The following STT3B variants were observed in gnomAD, a reference collection of about 807,000 sequenced individuals.
STT3B encodes the protein STT3 oligosaccharyltransferase complex catalytic subunit B, also known as dolichyl-diphosphooligosaccharide--protein glycosyltransferase subunit STT3B.
A neutral mutation model predicts 96.8 loss-of-function variants in STT3B; 29 were observed. The observed-to-expected ratio is 0.30, with a 90% confidence interval of 0.22 to 0.41. STT3B has a LOEUF of 0.41. STT3B is among the 10% of genes least tolerant of loss of function. The probability of loss-of-function intolerance (pLI) is 1.00; values close to 1 mark genes in which losing one functional copy is unlikely to be tolerated. For missense variants in STT3B, 640 were observed against 1,022.3 expected, an observed-to-expected ratio of 0.63 and a Z score of 5.10; for synonymous variants, 367 against 360.0, an observed-to-expected ratio of 1.02 and a Z score of -0.22.
intron 3 of STT3B, among the ~76,000 whole-genome samples, chr3:31,591,310 C>T (rs1365739168): frequency 6.6e-6 from 1 of 151,986 alleles, no homozygotes; most frequent in Non-Finnish European, 1.5e-5. Flanking sequence ...TTATCTTTTT[C>T]TGTCCTTAAA....
chr3:31,546,698 C>T (rs1469887743), intron 1 of STT3B, among the ~76,000 whole-genome samples: 2 of 152,160 alleles, frequency 1.3e-5, no homozygotes, highest in Non-Finnish European at 1.5e-5. Flanking sequence ...TCATGTCTCT[C>T]CCAAAGTTTT....
At chr3:31,557,684 G>T (rs934906301) in intron 1 of STT3B, among the ~76,000 whole-genome samples, 29 of 152,054 alleles carry the variant, frequency 1.9e-4, no homozygotes, top group African/African-American at 6.3e-4. Flanking sequence ...CCAGGCTGGA[G>T]TGCAGTGGCG....
intron 14 of STT3B, among the ~76,000 whole-genome samples, chr3:31,629,858 G>A (rs1699618660): frequency 6.6e-6 from 1 of 152,236 alleles, no homozygotes; most frequent in South Asian, 2.1e-4. Flanking sequence ...AGCTAGAGCT[G>A]CCTGGGTCAG....
chr3:31,545,710 CAT>C lies in STT3B; in HGVS notation c.314+12401_314+12402del, dbSNP rs147839765. On this transcript the variant is annotated intron_variant, in intron 1 of 15. Coordinates refer to ENST00000295770, the MANE Select transcript of STT3B (RefSeq NM_178862.3). ...CATTGCTATCTTTTAATAAAACTCT[CAT>C]ATGTATATATCTGTAAACCAAGCTT... Among the ~76,000 whole-genome samples the C allele has an allele frequency of 2.6e-5, 4 of 152,138 alleles. No individual in the cohort carries two copies. In the East Asian group the frequency reaches 7.7e-4, roughly 29 times the overall value.
intron 1 of STT3B, among the ~76,000 whole-genome samples, chr3:31,562,368 C>T (rs893987603): frequency 2.6e-5 from 4 of 152,086 alleles, no homozygotes; most frequent in African/African-American, 9.7e-5. Flanking sequence ...TGGGCCTGAC[C>T]TCAGACCCTG....
intron 1 of STT3B, among the ~76,000 whole-genome samples, chr3:31,546,906 G>C (rs1697427231): frequency 6.6e-6 from 1 of 152,108 alleles, no homozygotes; most frequent in Non-Finnish European, 1.5e-5. Context: ...AAAAGGAAAG[G>C]CCTTGAAGTC....
At chr3:31,610,645 T>C (rs879273117) in intron 5 of STT3B, among the ~76,000 whole-genome samples, 18 of 152,216 alleles carry the variant, frequency 1.2e-4, no homozygotes, top group Admixed American at 6.5e-4. Context: ...GGTATATTTC[T>C]TCTCTATATC....
rs1699388992 is a variant in STT3B at position 31,619,901 on chromosome 3, A to G, written c.1327+71A>G. 2.0e-6 allele frequency: 3 copies of G among 1,536,876 alleles called. No individual in the cohort carries two copies. In the Admixed American group the frequency reaches 6.5e-5, roughly 33 times the overall value. On this transcript the variant is annotated intron_variant, in intron 9 of 15. Coordinates refer to ENST00000295770, the MANE Select transcript of STT3B (RefSeq NM_178862.3). ...TTCTTTTTGAGATTATTTACTTTAA[A>G]TTTTTGTTTTTCTATGTTTGACTCT...
intron 3 of STT3B, among the ~76,000 whole-genome samples, chr3:31,586,564 A>C (rs1698542397): frequency 6.6e-6 from 1 of 152,072 alleles, no homozygotes; most frequent in South Asian, 2.1e-4. Context: ...TAAGTTGATT[A>C]TGGTCTGGTG....
At position 31,533,401 on chromosome 3, in the gene STT3B, C is replaced by T. The variant is rs1197748409; in HGVS notation, c.314+89C>T. The T allele has an allele frequency of 3.8e-6, 5 of 1,300,534 alleles. No individual in the cohort carries two copies. The African/African-American group carries it at 4.7e-5, about 12-fold the overall frequency. 80.6% of individuals were successfully genotyped at this position (1,300,534 alleles called of 1,614,324 possible). Reference sequence around the variant, plus strand: ...CCGCCGCAGCTCTCCTCGACTTGGCCCCGCGCCGCCGCGGAGCCCCGCTCG... The same window carrying T: ...CCGCCGCAGCTCTCCTCGACTTGGCTCCGCGCCGCCGCGGAGCCCCGCTCG... On this transcript the variant is annotated intron_variant, in intron 1 of 15. Coordinates refer to ENST00000295770, the MANE Select transcript of STT3B (RefSeq NM_178862.3).
intron 9 of STT3B, 145 bp from the exon 10 acceptor site, chr3:31,621,952 G>A: frequency 1.6e-6 from 1 of 625,590 alleles, no homozygotes; most frequent in East Asian, 2.7e-5. Flanking sequence ...TTAATCAGTT[G>A]TTCAGTAGTA....
intron 14 of STT3B, among the ~76,000 whole-genome samples, chr3:31,631,034 C>A (rs1393724293): frequency 2.6e-5 from 4 of 152,154 alleles, no homozygotes; most frequent in Non-Finnish European, 4.4e-5. Flanking sequence ...ACCTCGTGAT[C>A]CCCCTGCCTT....
At chr3:31,563,787 T>C (rs1457031025) in intron 1 of STT3B, among the ~76,000 whole-genome samples, 2 of 152,114 alleles carry the variant, frequency 1.3e-5, no homozygotes, top group Non-Finnish European at 2.9e-5. Flanking sequence ...AAATTGGTAA[T>C]TGTGGAAATT....
At chr3:31,631,053 A>C (rs753716117) in intron 14 of STT3B, among the ~76,000 whole-genome samples, 15 of 152,216 alleles carry the variant, frequency 9.9e-5, no homozygotes, top group South Asian at 2.1e-4. Context: ...TTGGCCTCCC[A>C]AAGTGCTGGG....
chr3:31,563,346 T>C lies in STT3B; in HGVS notation c.315-13050T>C, dbSNP rs546569340. Among the ~76,000 whole-genome samples, 116 of 152,348 alleles carry C rather than the reference T, an allele frequency of 7.6e-4. 1 individual carries two copies. The Middle Eastern group carries it at 0.017, about 22-fold the overall frequency. On this transcript the variant is annotated intron_variant, in intron 1 of 15. Transcript: ENST00000295770. The stretch of plus-strand genomic sequence containing the variant: ...TTAACATTCAGTCATTTAACAAATA[T>C]TTATTGTGTGATAACTATGTGCCAG...
intron 2 of STT3B, among the ~76,000 whole-genome samples, chr3:31,577,040 G>A (rs1380269612): frequency 1.3e-5 from 2 of 151,960 alleles, no homozygotes; most frequent in East Asian, 3.9e-4. Context: ...GAGAAATGAA[G>A]GTGAAAGACA....
At chr3:31,589,767 A>T (rs147293486) in intron 3 of STT3B, among the ~76,000 whole-genome samples, 2 of 151,980 alleles carry the variant, frequency 1.3e-5, no homozygotes, top group Non-Finnish European at 2.9e-5. Flanking sequence ...TACATACAAG[A>T]TCATGTTATC....
chr3:31,568,660 AT>A (rs1167092112), intron 1 of STT3B, among the ~76,000 whole-genome samples: 1 of 151,992 alleles, frequency 6.6e-6, no homozygotes, highest in East Asian at 1.9e-4. Flanking sequence ...TAGAGATATA[AT>A]TTTTTTTAAC....
chr3:31,559,020 C>A (rs1032513343), intron 1 of STT3B, among the ~76,000 whole-genome samples: 1 of 149,084 alleles, frequency 6.7e-6, no homozygotes, highest in African/African-American at 2.5e-5. Context: ...TCTTTGTTTT[C>A]ATTTCTGATT....
Sources: gnomAD v4.1 joint callset for allele counts (sites outside exome capture counted in the v4.1 genomes callset) on GRCh38, gnomAD v4.1.1 for gene constraint, MANE v1.5 for transcripts, NCBI Gene and HGNC (gene_info 2026-07-23, HGNC 2026-07-21) for gene names.